CDC42BPA: variants seen among roughly 807,000 people sequenced by gnomAD.
CDC42BPA encodes CDC42 binding protein kinase alpha.
In CDC42BPA, 80 loss-of-function variants were observed where a neutral mutation model predicts 223.5. The ratio of observed to expected loss-of-function variants is 0.36; its 90% CI spans 0.30 to 0.43. The LOEUF (loss-of-function observed/expected upper bound fraction) is 0.43. Among genes scored for constraint, CDC42BPA ranks in the 20% least tolerant of loss-of-function variants. The pLI, the probability that CDC42BPA is intolerant of heterozygous loss-of-function variation, is 1.00. For missense variants in CDC42BPA, 1,743 were observed against 2,099.9 expected (o/e 0.83, Z 3.32); for synonymous variants, 694 against 718.6 (o/e 0.97, Z 0.55).
intron 11 of CDC42BPA, among the ~76,000 whole-genome samples, chr1:227,125,377 T>G (rs983770092): frequency 1.3e-5 from 2 of 151,662 alleles, no homozygotes; most frequent in Admixed American, 1.3e-4. Flanking sequence ...TTTGGAAAGC[T>G]GAGGAGGGCG....
At chr1:227,089,243 A>G (rs1213516012) in intron 16 of CDC42BPA, among the ~76,000 whole-genome samples, 1 of 152,194 alleles carries the variant, frequency 6.6e-6, no homozygotes, top group East Asian at 1.9e-4. Flanking sequence ...CTGGTTCCCA[A>G]TGGAACAGTT....
intron 10 of CDC42BPA, among the ~76,000 whole-genome samples, chr1:227,130,298 G>A (rs898026901): frequency 6.6e-6 from 1 of 152,058 alleles, no homozygotes; most frequent in African/African-American, 2.4e-5. Context: ...GTGTGTGTGT[G>A]TGTAAACCAT....
intron 10 of CDC42BPA, among the ~76,000 whole-genome samples, chr1:227,131,889 T>A (rs926667247): frequency 2.6e-5 from 4 of 152,236 alleles, no homozygotes; most frequent in Non-Finnish European, 5.9e-5. Flanking sequence ...TCAGATTAAC[T>A]GGCCACATCC....
At chr1:227,270,224 T>C (rs1685743133) in intron 1 of CDC42BPA, among the ~76,000 whole-genome samples, 1 of 152,134 alleles carries the variant, frequency 6.6e-6, no homozygotes, top group African/African-American at 2.4e-5. Flanking sequence ...TGTATGTAAA[T>C]TAATGAAAAA....
At chr1:227,069,574 T>C in intron 21 of CDC42BPA, 1 of 386,382 alleles carries the variant, frequency 2.6e-6, no homozygotes, top group Non-Finnish European at 4.7e-6. Flanking sequence ...AAATCTTTCT[T>C]AGATGTTTTG....
intron 27 of CDC42BPA, among the ~76,000 whole-genome samples, chr1:227,032,315 T>C (rs1669433194): frequency 6.6e-6 from 1 of 152,190 alleles, no homozygotes; most frequent in African/African-American, 2.4e-5. Flanking sequence ...CCTTGGTGGC[T>C]GGGAGGAAAA....
At chr1:227,190,771 T>C (rs896070429) in intron 5 of CDC42BPA, among the ~76,000 whole-genome samples, 1 of 151,680 alleles carries the variant, frequency 6.6e-6, no homozygotes, top group Non-Finnish European at 1.5e-5. Context: ...ATCCAGAAAA[T>C]GAGAATAACA....
At position 227,129,714 on chromosome 1, in the gene CDC42BPA, T is replaced by TATATATATATATATATATAC. The variant is rs140091366; in HGVS notation, c.1391-484_1391-483insGTATATATATATATATATAT. Among the ~76,000 whole-genome samples, 61 of 105,804 alleles carry TATATATATATATATATATAC rather than the reference T, an allele frequency of 5.8e-4. 2 individuals carry two copies. Among genetic ancestry groups the TATATATATATATATATATAC allele is most frequent in the East Asian group, 4.2e-3 (16 of 3,836 alleles). 69.4% of individuals were successfully genotyped at this position (105,804 alleles called of 152,430 possible). On this transcript the variant is annotated intron_variant, in intron 10 of 36. Transcript: ENST00000366766. ...AAAAAATCCACTGCATATATATATA[T>TATATATATATATATATATAC]ACAAAAGAATCCACCTTCTAATAAT...
intron 2 of CDC42BPA, among the ~76,000 whole-genome samples, chr1:227,233,686 A>G (rs1678456503): frequency 6.6e-6 from 1 of 152,142 alleles, no homozygotes; most frequent in Non-Finnish European, 1.5e-5. Context: ...GTAATCACAG[A>G]ATTTTGGAGG....
chr1:227,057,725 C>G (rs141875931), intron 21 of CDC42BPA, among the ~76,000 whole-genome samples: 86 of 152,178 alleles, frequency 5.7e-4, no homozygotes, highest in African/African-American at 2.0e-3. Flanking sequence ...AATAATAAGT[C>G]AATAGATTAT....
intron 5 of CDC42BPA, among the ~76,000 whole-genome samples, chr1:227,170,140 C>G (rs569531567): frequency 6.6e-6 from 1 of 152,230 alleles, no homozygotes. Flanking sequence ...AGAACTTAGG[C>G]TGGCTATGAC....
chr1:227,233,141 G>A (rs989103031), intron 2 of CDC42BPA, among the ~76,000 whole-genome samples: 1 of 152,206 alleles, frequency 6.6e-6, no homozygotes, highest in Non-Finnish European at 1.5e-5. Flanking sequence ...CACTCACGCT[G>A]GGAGCTGCAG....
chr1:227,212,080 TTTTG>T (rs557623912), intron 3 of CDC42BPA, among the ~76,000 whole-genome samples: 23 of 151,918 alleles, frequency 1.5e-4, no homozygotes, highest in Non-Finnish European at 3.1e-4. Context: ...TTCTGAGGGT[TTTTG>T]TTTGTTTGTT....
chr1:227,202,760 C>A (rs1219989236), intron 3 of CDC42BPA, among the ~76,000 whole-genome samples: 236 of 114,230 alleles, frequency 2.1e-3, no homozygotes, highest in East Asian at 4.1e-3. Flanking sequence ...TCTCTACAGG[C>A]AAAAAAAAAA....
intron 23 of CDC42BPA, among the ~76,000 whole-genome samples, chr1:227,046,824 C>T (rs1193451357): frequency 1.3e-5 from 2 of 152,038 alleles, no homozygotes; most frequent in Non-Finnish European, 2.9e-5. Flanking sequence ...GCTTTACTAT[C>T]CTTAAAATAT....
At chr1:227,032,925 C>T (rs57244721) in intron 27 of CDC42BPA, among the ~76,000 whole-genome samples, 43,162 of 152,174 alleles carry the variant, frequency 0.28, 6,347 homozygotes, top group African/African-American at 0.35. Context: ...TAGTAAATCA[C>T]TGTTGGTTTA....
intron 3 of CDC42BPA, among the ~76,000 whole-genome samples, chr1:227,208,550 A>G (rs1673253778): frequency 6.7e-6 from 1 of 149,218 alleles, no homozygotes; most frequent in East Asian, 2.0e-4. Flanking sequence ...TAAGGAAGGG[A>G]TCCAGTTTCA....
At chr1:227,095,022 A>T (rs1295849594) in intron 15 of CDC42BPA, among the ~76,000 whole-genome samples, 1 of 152,236 alleles carries the variant, frequency 6.6e-6, no homozygotes, top group Non-Finnish European at 1.5e-5. Flanking sequence ...TGCAAATGAC[A>T]GCAGAAAATG....
intron 1 of CDC42BPA, among the ~76,000 whole-genome samples, chr1:227,277,731 A>G (rs1687348273): frequency 6.6e-6 from 1 of 152,080 alleles, no homozygotes; most frequent in African/African-American, 2.4e-5. Flanking sequence ...AACTAGGAAT[A>G]GATATACTGG....
Sources: gnomAD v4.1 joint callset for allele counts (sites outside exome capture counted in the v4.1 genomes callset) on GRCh38, gnomAD v4.1.1 for gene constraint, MANE v1.5 for transcripts, NCBI Gene and HGNC (gene_info 2026-07-23, HGNC 2026-07-21) for gene names.